Variants in CNTNAP5 observed in about 807,000 individuals in gnomAD.
The protein encoded by CNTNAP5 is contactin-associated protein-like 5.
CNTNAP5 carries 72 observed loss-of-function variants against 150.2 expected under a neutral mutation model. That is an observed-to-expected ratio of 0.48 (90% CI 0.40 to 0.58). The LOEUF (loss-of-function observed/expected upper bound fraction) is 0.58, where lower values mean the gene tolerates loss of function less well. Ranked by LOEUF, CNTNAP5 falls within the 20% of genes least tolerant of loss-of-function variation. The probability of loss-of-function intolerance (pLI) is 0.00; values close to 1 mark genes in which losing one functional copy is unlikely to be tolerated. For missense variants in CNTNAP5, 1,636 were observed against 1,626.2 expected (o/e 1.01, Z -0.10); for synonymous variants, 672 against 619.8 (o/e 1.08, Z -1.25).
At chr2:124,820,470 GA>G (rs11310462) in intron 19 of CNTNAP5, among the ~76,000 whole-genome samples, 8,151 of 142,074 alleles carry the variant, frequency 0.057, 627 homozygotes, top group African/African-American at 0.18. Context: ...AAAGGAAGGG[GA>G]AAAAAAAAAC....
chr2:124,055,712 C>T (rs1056184711), intron 1 of CNTNAP5, among the ~76,000 whole-genome samples: 3 of 152,154 alleles, frequency 2.0e-5, no homozygotes, highest in African/African-American at 7.2e-5. Flanking sequence ...ACCTACAATC[C>T]AATATCCTCT....
chr2:124,035,910 C>CTT (rs759598012), intron 1 of CNTNAP5, among the ~76,000 whole-genome samples: 16,937 of 76,346 alleles, frequency 0.22, 3,496 homozygotes, highest in South Asian at 0.35. Flanking sequence ...AGGATGAACT[C>CTT]TTTTTTTTTT....
chr2:124,914,828 G>A lies in CNTNAP5; in HGVS notation c.*540G>A. On this transcript the variant is annotated 3_prime_UTR_variant, in exon 24 of 24. Transcript: ENST00000682447. ...TGGTGGTTTGCTTTCTTTACCATAA[G>A]CAATCCCTTGCCTTAACTCATCACC... 1 of 152,312 alleles carries A rather than the reference G, an allele frequency of 6.6e-6. No homozygotes were observed. The highest frequency in any genetic ancestry group is 1.5e-5 in the Non-Finnish European group (1 of 68,194). The allele number at this position is 152,312 out of a possible 1,614,324, so 9.4% of individuals were successfully genotyped here.
At chr2:124,654,231 G>A (rs1443636228) in intron 13 of CNTNAP5, among the ~76,000 whole-genome samples, 1 of 152,102 alleles carries the variant, frequency 6.6e-6, no homozygotes, top group Non-Finnish European at 1.5e-5. Flanking sequence ...GCCTGGGACT[G>A]CAAATTTTAT....
At chr2:124,514,557 G>T (rs538700150) in intron 8 of CNTNAP5, among the ~76,000 whole-genome samples, 52 of 152,254 alleles carry the variant, frequency 3.4e-4, no homozygotes, top group African/African-American at 1.3e-3. Flanking sequence ...ACCTGGGAAG[G>T]AGGCACTGCC....
chr2:124,756,762 G>A (rs1336363737), intron 14 of CNTNAP5, among the ~76,000 whole-genome samples: 1 of 152,068 alleles, frequency 6.6e-6, no homozygotes, highest in Non-Finnish European at 1.5e-5. Context: ...ACTGGGGCCT[G>A]TAGGAGGGTT....
chr2:124,250,627 A>G (rs1329819578), intron 3 of CNTNAP5, among the ~76,000 whole-genome samples: 2 of 152,008 alleles, frequency 1.3e-5, no homozygotes, highest in Non-Finnish European at 2.9e-5. Flanking sequence ...CCATTCGCAT[A>G]GAGTCCTGGC....
chr2:124,452,125 G>A (rs2104811771), intron 6 of CNTNAP5, among the ~76,000 whole-genome samples: 2 of 152,212 alleles, frequency 1.3e-5, no homozygotes, highest in Admixed American at 1.3e-4. Flanking sequence ...TTTTGCAGCT[G>A]TGAGGTGGGT....
chr2:124,195,731 G>A (rs1685567348), intron 1 of CNTNAP5, among the ~76,000 whole-genome samples: 1 of 152,178 alleles, frequency 6.6e-6, no homozygotes, highest in African/African-American at 2.4e-5. Flanking sequence ...TGATCAAACA[G>A]AGACTAAGCA....
rs113413537 is a variant in CNTNAP5, at chr2:124,170,664, T to G, written c.83-51041T>G. Among the ~76,000 whole-genome samples the G allele has an allele frequency of 4.0e-3, 602 of 152,218 alleles. 8 individuals are homozygous for G. Among genetic ancestry groups the G allele is most frequent in the South Asian group, 0.022 (108 of 4,816 alleles). ...ATAGAGACAGCCAAGGTGGCGGCCATGGGCCACGGTGAGCTGTGTCAGCCT... is the reference window on the plus strand; with the variant it reads ...ATAGAGACAGCCAAGGTGGCGGCCAGGGGCCACGGTGAGCTGTGTCAGCCT... On this transcript the variant is annotated intron_variant, in intron 1 of 23. Coordinates refer to ENST00000682447, the MANE Select transcript of CNTNAP5 (RefSeq NM_001367498.1).
chr2:124,285,127 C>G (rs760476461), intron 3 of CNTNAP5, among the ~76,000 whole-genome samples: 1 of 152,094 alleles, frequency 6.6e-6, no homozygotes, highest in Non-Finnish European at 1.5e-5. Context: ...TGTTTTCCAC[C>G]GGGCAACTTG....
intron 1 of CNTNAP5, among the ~76,000 whole-genome samples, chr2:124,104,497 C>T (rs895388253): frequency 6.6e-6 from 1 of 152,150 alleles, no homozygotes; most frequent in Admixed American, 6.6e-5. Context: ...TATTCTGCCT[C>T]ATTTTCCCCA....
intron 1 of CNTNAP5, among the ~76,000 whole-genome samples, chr2:124,139,491 C>T (rs1330855824): frequency 6.6e-6 from 1 of 152,062 alleles, no homozygotes; most frequent in Non-Finnish European, 1.5e-5. Context: ...TAGACTTCTC[C>T]CAGTTCCCCT....
chr2:124,738,561 C>T (rs1312302578), intron 13 of CNTNAP5, among the ~76,000 whole-genome samples: 1 of 151,820 alleles, frequency 6.6e-6, no homozygotes, highest in Non-Finnish European at 1.5e-5. Flanking sequence ...GGTGAAACCC[C>T]GTCCTACTAA....
At chr2:124,805,181 T>C (rs1272712935) in intron 19 of CNTNAP5, among the ~76,000 whole-genome samples, 1 of 152,120 alleles carries the variant, frequency 6.6e-6, no homozygotes, top group Admixed American at 6.5e-5. Context: ...AAACCGGCTG[T>C]CTCTAGTCAC....
chr2:124,756,144 T>C (rs150818746), intron 14 of CNTNAP5, among the ~76,000 whole-genome samples: 29 of 152,298 alleles, frequency 1.9e-4, no homozygotes, highest in African/African-American at 6.7e-4. Flanking sequence ...AAAGGCAACA[T>C]TGATTTATAG....
At chr2:124,492,442 G>T (rs2104851194) in intron 7 of CNTNAP5, among the ~76,000 whole-genome samples, 1 of 152,238 alleles carries the variant, frequency 6.6e-6, no homozygotes, top group East Asian at 1.9e-4. Flanking sequence ...CTCTGTGTCT[G>T]TTTGTATGCC....
At chr2:124,176,705 C>T (rs552057884) in intron 1 of CNTNAP5, among the ~76,000 whole-genome samples, 12 of 152,040 alleles carry the variant, frequency 7.9e-5, no homozygotes, top group Non-Finnish European at 1.3e-4. Flanking sequence ...AACAGACAAG[C>T]ATTGTCTGTC....
chr2:124,729,744 C>A (rs1224283009), intron 13 of CNTNAP5, among the ~76,000 whole-genome samples: 5 of 152,112 alleles, frequency 3.3e-5, no homozygotes, highest in East Asian at 1.9e-4. Flanking sequence ...GATAAAATAA[C>A]CACACCCTCT....
Sources: gnomAD v4.1 joint callset for allele counts (sites outside exome capture counted in the v4.1 genomes callset) on GRCh38, gnomAD v4.1.1 for gene constraint, MANE v1.5 for transcripts, NCBI Gene and HGNC (gene_info 2026-07-23, HGNC 2026-07-21) for gene names.